TENM1: variants seen among roughly 807,000 people sequenced by gnomAD.
TENM1 encodes teneurin transmembrane protein 1, also known as teneurin-1.
TENM1 carries 35 observed loss-of-function variants against 174.8 expected under a neutral mutation model. The ratio of observed to expected loss-of-function variants is 0.20; its 90% CI spans 0.15 to 0.27. The LOEUF (loss-of-function observed/expected upper bound fraction) is 0.27. Ranked by LOEUF, TENM1 falls within the 10% of genes least tolerant of loss-of-function variation. The pLI is 1.00. For missense variants in TENM1, 1,633 were observed against 2,130.1 expected, an observed-to-expected ratio of 0.77 and a Z score of 4.59; for synonymous variants, 781 against 798.7, an observed-to-expected ratio of 0.98 and a Z score of 0.37.
chrX:124,438,831 G>A (rs976725116), intron 23 of TENM1, among the ~76,000 whole-genome samples: 1 of 111,027 alleles, frequency 9.0e-6, no homozygotes, highest in Non-Finnish European at 1.9e-5. Context: ...ATTATATTGT[G>A]ATTTTACCTA....
chrX:124,390,262 G>A (rs2060268570), intron 28 of TENM1, among the ~76,000 whole-genome samples: 1 of 112,527 alleles, frequency 8.9e-6, no homozygotes, highest in Non-Finnish European at 1.9e-5. Flanking sequence ...TCAGAGAAGA[G>A]GCTAAATAAC....
At chrX:124,660,651 G>C (rs574619297) in intron 6 of TENM1, among the ~76,000 whole-genome samples, 1 of 111,714 alleles carries the variant, frequency 9.0e-6, no homozygotes, top group Non-Finnish European at 1.9e-5. Flanking sequence ...TCAGGGACAT[G>C]CAAATAAAAA....
At chrX:124,937,402 A>G (rs1374061077) in intron 1 of TENM1, among the ~76,000 whole-genome samples, 1 of 111,696 alleles carries the variant, frequency 9.0e-6, no homozygotes, top group Admixed American at 9.5e-5. Flanking sequence ...TCCTGCTCCA[A>G]TAGTGCTTAT....
At chrX:124,701,910 T>C (rs896588258) in intron 5 of TENM1, among the ~76,000 whole-genome samples, 2 of 112,053 alleles carry the variant, frequency 1.8e-5, no homozygotes, top group Non-Finnish European at 3.8e-5. Flanking sequence ...GTCCCATTGA[T>C]ATCGATGCGA....
At chrX:124,831,010 T>C (rs149269417) in intron 3 of TENM1, among the ~76,000 whole-genome samples, 3,132 of 111,922 alleles carry the variant, frequency 0.028, 42 homozygotes, top group Middle Eastern at 0.074. Flanking sequence ...GCAGGGCCAG[T>C]CCAGAGTTGT....
At chrX:124,487,507 A>G (rs1217953475) in intron 20 of TENM1, among the ~76,000 whole-genome samples, 1 of 112,336 alleles carries the variant, frequency 8.9e-6, no homozygotes, top group African/African-American at 3.2e-5. Flanking sequence ...TCTCTGGACC[A>G]TCTGCATCAG....
At chrX:124,525,791 T>G (rs1264740705) in intron 16 of TENM1, among the ~76,000 whole-genome samples, 1 of 111,693 alleles carries the variant, frequency 9.0e-6, no homozygotes, top group Non-Finnish European at 1.9e-5. Flanking sequence ...GTTTTCTCGT[T>G]AGTAAAATGA....
chrX:124,589,254 T>G (rs1423300810), intron 11 of TENM1, among the ~76,000 whole-genome samples: 2 of 110,927 alleles, frequency 1.8e-5, no homozygotes, highest in African/African-American at 6.6e-5. Flanking sequence ...CCTACTTGAT[T>G]GTGGTGCACT....
chrX:124,784,429 C>A (rs1300218233), intron 3 of TENM1, among the ~76,000 whole-genome samples: 2 of 111,639 alleles, frequency 1.8e-5, no homozygotes. Flanking sequence ...TGAGGAAAGA[C>A]AAGTCATTCA....
the TENM1 span, among the ~76,000 whole-genome samples, chrX:125,147,207 TAC>T: frequency 9.1e-6 from 1 of 109,542 alleles, no homozygotes; most frequent in Non-Finnish European, 1.9e-5. Context: ...CTTATATACA[TAC>T]ACACAGACAC....
intron 23 of TENM1, among the ~76,000 whole-genome samples, chrX:124,439,927 A>G (rs1023618871): frequency 9.0e-6 from 1 of 111,680 alleles, no homozygotes; most frequent in African/African-American, 3.3e-5. Flanking sequence ...CCATTTACAG[A>G]TACAGAATTT....
At chrX:124,727,974 TA>T (rs2053480075) in intron 4 of TENM1, among the ~76,000 whole-genome samples, 1 of 111,576 alleles carries the variant, frequency 9.0e-6, no homozygotes, top group Admixed American at 9.6e-5. Flanking sequence ...TCTTTTTTTT[TA>T]TGTTTTAAAC....
intron 22 of TENM1, among the ~76,000 whole-genome samples, chrX:124,475,889 A>G (rs897089003): frequency 9.0e-6 from 1 of 111,524 alleles, no homozygotes; most frequent in Non-Finnish European, 1.9e-5. Context: ...TAAAATCCAA[A>G]CTTCCTTTTC....
At chrX:124,702,416 A>T (rs973840465) in intron 5 of TENM1, among the ~76,000 whole-genome samples, 1 of 111,671 alleles carries the variant, frequency 9.0e-6, no homozygotes, top group Non-Finnish European at 1.9e-5. Flanking sequence ...CTCATATTGA[A>T]CCCACTCAAG....
chrX:124,758,369 T>G (rs1413264739), intron 3 of TENM1, among the ~76,000 whole-genome samples: 1 of 110,943 alleles, frequency 9.0e-6, no homozygotes. Flanking sequence ...ATGGCCAGTA[T>G]AAAGAAAAAT....
intron 5 of TENM1, among the ~76,000 whole-genome samples, chrX:124,698,894 T>C (rs944003560): frequency 1.8e-5 from 2 of 111,713 alleles, no homozygotes; most frequent in Non-Finnish European, 3.8e-5. Flanking sequence ...CCTGTTAGTG[T>C]TGACTATGAT....
At chrX:124,535,244 ACTG>A (rs1273245627) in intron 15 of TENM1, among the ~76,000 whole-genome samples, 1 of 111,622 alleles carries the variant, frequency 9.0e-6, no homozygotes, top group African/African-American at 3.3e-5. Context: ...ACCTTTGAGA[ACTG>A]CTGCTTTAGG....
At position 124,775,047 on chromosome X, in the gene TENM1, A is replaced by G. The variant is rs188752273; in HGVS notation, c.536-37850T>C. On this transcript the variant is annotated intron_variant, in intron 3 of 31. Coordinates refer to ENST00000422452, the Ensembl canonical transcript of TENM1. Reference sequence around the variant, plus strand: ...ACAGCACCATACATAAAGATATAATAGAACAACTAGATAGAACAGACAGAT... The same window carrying G: ...ACAGCACCATACATAAAGATATAATGGAACAACTAGATAGAACAGACAGAT... Among the ~76,000 whole-genome samples, 4 of 111,284 alleles carry G rather than the reference A, an allele frequency of 3.6e-5. No homozygotes were observed. The East Asian group carries it at 8.5e-4, about 24-fold the overall frequency.
At chrX:124,794,739 C>T (rs1193961736) in intron 3 of TENM1, among the ~76,000 whole-genome samples, 2 of 111,676 alleles carry the variant, frequency 1.8e-5, no homozygotes, top group African/African-American at 6.5e-5. Context: ...CATTTAAGCT[C>T]ATTGTAATGG....
Sources: allele counts gnomAD v4.1 joint callset (sites outside exome capture counted in the v4.1 genomes callset), GRCh38; gene constraint gnomAD v4.1.1; transcripts MANE v1.5; gene names NCBI Gene and HGNC (gene_info 2026-07-23, HGNC 2026-07-21).